SRBD1: variants seen among roughly 807,000 people sequenced by gnomAD.
The protein encoded by SRBD1 is S1 RNA-binding domain-containing protein 1.
Under a neutral mutation model 115.3 loss-of-function variants are expected in SRBD1, and 88 were observed. That is an observed-to-expected ratio of 0.76 (90% confidence interval 0.64 to 0.91). SRBD1 has a LOEUF of 0.91. Among genes scored for constraint, SRBD1 ranks in the 40% least tolerant of loss-of-function variants. The probability of loss-of-function intolerance (pLI) is 0.00; values close to 1 mark genes in which losing one functional copy is unlikely to be tolerated. For missense variants in SRBD1, 1,385 were observed against 1,177.4 expected (o/e 1.18, Z -2.58); for synonymous variants, 509 against 407.7 (o/e 1.25, Z -2.99).
intron 9 of SRBD1, among the ~76,000 whole-genome samples, chr2:45,571,537 A>AAAAAAAAAAAAAAAAC (rs1553356650): frequency 3.5e-5 from 5 of 143,798 alleles, no homozygotes; most frequent in Non-Finnish European, 7.6e-5. Context: ...AAAAAAAAAA[A>AAAAAAAAAAAAAAAAC]AAAAACTGTC....
intron 16 of SRBD1, among the ~76,000 whole-genome samples, chr2:45,442,951 C>T (rs751533441): frequency 6.6e-6 from 1 of 152,062 alleles, no homozygotes; most frequent in Non-Finnish European, 1.5e-5. Flanking sequence ...TTTTGAATGG[C>T]CACACGTAGT....
At chr2:45,445,945 G>A (rs3770259) in intron 16 of SRBD1, among the ~76,000 whole-genome samples, 121,657 of 152,104 alleles carry the variant, frequency 0.8, 49,390 homozygotes, top group African/African-American at 0.92. Flanking sequence ...AGGAACAGAC[G>A]TTTGCCTCAA....
chr2:45,559,008 A>T (rs1672574656), intron 10 of SRBD1, among the ~76,000 whole-genome samples: 1 of 151,914 alleles, frequency 6.6e-6, no homozygotes, highest in Non-Finnish European at 1.5e-5. Context: ...CCGCCACACA[A>T]ATTTCATGCT....
At chr2:45,506,699 A>T (rs543632055) in intron 14 of SRBD1, among the ~76,000 whole-genome samples, 1 of 152,320 alleles carries the variant, frequency 6.6e-6, no homozygotes, top group African/African-American at 2.4e-5. Context: ...CAATTAAAAT[A>T]TACAGCATGA....
chr2:45,608,424 G>A (rs971267146), intron 1 of SRBD1, among the ~76,000 whole-genome samples: 4 of 152,066 alleles, frequency 2.6e-5, no homozygotes, highest in African/African-American at 9.7e-5. Context: ...AACTACCTAC[G>A]ACAGGTACAC....
chr2:45,466,102 G>A (rs1418946866), intron 16 of SRBD1, among the ~76,000 whole-genome samples: 4 of 152,136 alleles, frequency 2.6e-5, no homozygotes, highest in African/African-American at 4.8e-5. Flanking sequence ...ACTAGAAGAG[G>A]AACACAGTAA....
chr2:45,529,476 T>C (rs1176927697), intron 14 of SRBD1, among the ~76,000 whole-genome samples: 1 of 151,918 alleles, frequency 6.6e-6, no homozygotes, highest in Admixed American at 6.6e-5. Context: ...GAGAAAAATG[T>C]CAAGTCCAAA....
At chr2:45,528,008 G>C (rs1004120452) in intron 14 of SRBD1, among the ~76,000 whole-genome samples, 1 of 151,754 alleles carries the variant, frequency 6.6e-6, no homozygotes, top group Non-Finnish European at 1.5e-5. Flanking sequence ...ATTTAGCTGA[G>C]GCAATTTTGA....
intron 14 of SRBD1, among the ~76,000 whole-genome samples, chr2:45,503,196 T>C (rs1043383035): frequency 2.2e-5 from 3 of 139,466 alleles, no homozygotes; most frequent in African/African-American, 8.5e-5. Flanking sequence ...ATCCTAAACA[T>C]ATTAATTAGC....
intron 14 of SRBD1, among the ~76,000 whole-genome samples, chr2:45,521,883 G>A (rs1016292113): frequency 3.3e-5 from 5 of 151,926 alleles, no homozygotes; most frequent in East Asian, 3.9e-4. Flanking sequence ...TGGGAGGATC[G>A]CTTGAGCCTG....
At chr2:45,428,253 G>A (rs1004924536) in intron 16 of SRBD1, among the ~76,000 whole-genome samples, 1 of 152,090 alleles carries the variant, frequency 6.6e-6, no homozygotes, top group Non-Finnish European at 1.5e-5. Context: ...AATGACTACT[G>A]GATAAATAAC....
chr2:45,393,987 T>G (rs1375027438), intron 19 of SRBD1, among the ~76,000 whole-genome samples: 1 of 152,170 alleles, frequency 6.6e-6, no homozygotes, highest in African/African-American at 2.4e-5. Flanking sequence ...TTGAGCCTCA[T>G]ATAAACTAAA....
At chr2:45,594,136 T>C (rs533885239) in intron 4 of SRBD1, among the ~76,000 whole-genome samples, 67 of 152,320 alleles carry the variant, frequency 4.4e-4, no homozygotes, top group Middle Eastern at 6.8e-3. Context: ...TAATAAGTGG[T>C]TCCACCTTTA....
chr2:45,416,974 T>A (rs1218778542), intron 18 of SRBD1, among the ~76,000 whole-genome samples: 2 of 152,202 alleles, frequency 1.3e-5, no homozygotes, highest in Non-Finnish European at 2.9e-5. Flanking sequence ...AGACGGGGTT[T>A]CACCATGTTA....
At chr2:45,439,595 T>G (rs1465523168) in intron 16 of SRBD1, among the ~76,000 whole-genome samples, 1 of 151,372 alleles carries the variant, frequency 6.6e-6, no homozygotes, top group Non-Finnish European at 1.5e-5. Flanking sequence ...TCTGCCAAAA[T>G]AAGGCAGAAA....
rs563842555 is a variant in SRBD1 at position 45,582,691 on chromosome 2, T to A, written c.816-881A>T. ...TAACCCCTTCAAGCTAGCTTCTGTGTCCTTTTGACATGTATCTGTCATTCT... is the reference window on the plus strand; with the variant it reads ...TAACCCCTTCAAGCTAGCTTCTGTGACCTTTTGACATGTATCTGTCATTCT... On this transcript the variant is annotated intron_variant, in intron 5 of 20. Transcript: ENST00000263736. Among the ~76,000 whole-genome samples, 6 of 152,324 alleles carry A rather than the reference T, an allele frequency of 3.9e-5. No individual in the cohort carries two copies. In the South Asian group the frequency reaches 1.0e-3, roughly 26 times the overall value.
intron 16 of SRBD1, among the ~76,000 whole-genome samples, chr2:45,425,873 G>A (rs184658786): frequency 6.6e-6 from 1 of 152,278 alleles, no homozygotes; most frequent in East Asian, 1.9e-4. Flanking sequence ...GATTCCCTTG[G>A]GTGCCTACAC....
chr2:45,471,137 G>A (rs930074477), intron 16 of SRBD1, among the ~76,000 whole-genome samples: 2 of 152,144 alleles, frequency 1.3e-5, no homozygotes, highest in South Asian at 2.1e-4. Flanking sequence ...GATTGTAAGG[G>A]AAATCTATTA....
chr2:45,392,551 G>C (rs1164182070), intron 20 of SRBD1, among the ~76,000 whole-genome samples: 1 of 152,196 alleles, frequency 6.6e-6, no homozygotes, highest in Non-Finnish European at 1.5e-5. Context: ...AACTTGGAAA[G>C]CTATAATTTA....
Sources: allele counts gnomAD v4.1 joint callset (sites outside exome capture counted in the v4.1 genomes callset), GRCh38; gene constraint gnomAD v4.1.1; transcripts MANE v1.5; gene names NCBI Gene and HGNC (gene_info 2026-07-23, HGNC 2026-07-21).